The following PTPRN2 variants were observed in gnomAD, a reference collection of about 807,000 sequenced individuals.
PTPRN2 encodes receptor-type tyrosine-protein phosphatase N2.
A neutral mutation model predicts 118.8 loss-of-function variants in PTPRN2; 74 were observed. That is an observed-to-expected ratio of 0.62 (90% confidence interval 0.52 to 0.76). PTPRN2 has a LOEUF of 0.76. Among genes scored for constraint, PTPRN2 ranks in the 30% least tolerant of loss-of-function variants. PTPRN2 has a pLI of 0.00. For synonymous variants in PTPRN2, 641 were observed against 608.0 expected (o/e 1.05, Z -0.80); for missense variants, 1,481 against 1,394.4 (o/e 1.06, Z -0.99).
At position 158,465,975 on chromosome 7, in the gene PTPRN2, C is replaced by A. The variant is rs565626708; in HGVS notation, c.163+23760G>T. Among the ~76,000 whole-genome samples, 84 of 152,346 alleles carry A rather than the reference C, an allele frequency of 5.5e-4. 1 individual carries two copies. The South Asian group carries it at 0.016, about 30-fold the overall frequency. On this transcript the variant is annotated intron_variant, in intron 2 of 22. Coordinates refer to ENST00000389418, the MANE Select transcript of PTPRN2 (RefSeq NM_002847.5). ...AGATCCCTGCCTCACGCCTCACACA[C>A]CCCACTTCCTGTTGCATGATGCATC... is the stretch of plus-strand genomic sequence containing the variant.
chr7:157,626,012 C>T (rs1803550502), intron 14 of PTPRN2, among the ~76,000 whole-genome samples: 2 of 152,188 alleles, frequency 1.3e-5, no homozygotes, highest in Non-Finnish European at 1.5e-5. Context: ...ATACAATTTA[C>T]TGCTTTAAAG....
At chr7:157,753,158 A>AC (rs1413296464) in intron 12 of PTPRN2, among the ~76,000 whole-genome samples, 6 of 152,162 alleles carry the variant, frequency 3.9e-5, no homozygotes, top group Non-Finnish European at 7.4e-5. Context: ...CTCAAATCCT[A>AC]AACGCCTCCC....
At position 157,717,856 on chromosome 7, in the gene PTPRN2, C is replaced by T. The variant is rs573153794; in HGVS notation, c.1789-34919G>A. On this transcript the variant is annotated intron_variant, in intron 12 of 22. Coordinates refer to ENST00000389418, the MANE Select transcript of PTPRN2 (RefSeq NM_002847.5). ...GCCAAAGCAGCTGGGCTCTTTACTA[C>T]GGAAGGAGATTAATTGCTACCCCGC... Among the ~76,000 whole-genome samples, 15 of 152,378 alleles carry T rather than the reference C, an allele frequency of 9.8e-5. No individual in the cohort carries two copies. The South Asian group carries it at 1.9e-3, about 19-fold the overall frequency.
chr7:157,841,283 G>C (rs1808399960), intron 12 of PTPRN2, among the ~76,000 whole-genome samples: 1 of 152,322 alleles, frequency 6.6e-6, no homozygotes, highest in South Asian at 2.1e-4. Flanking sequence ...CCCTGTCACT[G>C]GCTGAACATC....
At position 157,845,742 on chromosome 7, in the gene PTPRN2, TCACAGAGACGGGGACGG is replaced by T. The variant is rs1211620899; in HGVS notation, c.1788+52914_1788+52930del. Among the ~76,000 whole-genome samples the T allele has an allele frequency of 6.6e-6, 1 of 151,968 alleles. No individual in the cohort carries two copies. The highest frequency in any genetic ancestry group is 1.9e-4 in the East Asian group (1 of 5,182). On this transcript the variant is annotated intron_variant, in intron 12 of 22. Coordinates refer to ENST00000389418, the MANE Select transcript of PTPRN2 (RefSeq NM_002847.5). This position sits in a 1 kb window ranked among gnomAD's most constrained non-coding sequence, Gnocchi z 4.5. ...CCAGAGAGGTCCCTGTGCTCATGAC[TCACAGAGACGGGGACGG>T]CAGCAAGGACACAGCAGGGCCATGG...
chr7:158,418,518 G>A lies in PTPRN2; in HGVS notation c.163+71217C>T, dbSNP rs1313749755. Among the ~76,000 whole-genome samples the A allele has an allele frequency of 4.7e-5, 7 of 148,558 alleles. 1 individual carries two copies. Among genetic ancestry groups the A allele is most frequent in the African/African-American group, 1.7e-4 (7 of 40,394 alleles). Reference sequence around the variant, plus strand: ...AGCTCTCCGTGTCCCACTGTGTTAAGTCACAGTGTACTACATCGAGATGCT... The same window carrying A: ...AGCTCTCCGTGTCCCACTGTGTTAAATCACAGTGTACTACATCGAGATGCT... On this transcript the variant is annotated intron_variant, in intron 2 of 22. Coordinates refer to ENST00000389418, the MANE Select transcript of PTPRN2 (RefSeq NM_002847.5).
chr7:157,876,230 G>A (rs1158050620), intron 12 of PTPRN2, among the ~76,000 whole-genome samples: 1 of 152,234 alleles, frequency 6.6e-6, no homozygotes, highest in Non-Finnish European at 1.5e-5. Context: ...TTGGTCTCCT[G>A]TTGTGACCCA....
At chr7:158,145,985 C>T (rs751896361) in intron 6 of PTPRN2, among the ~76,000 whole-genome samples, 1 of 152,188 alleles carries the variant, frequency 6.6e-6, no homozygotes. Flanking sequence ...GCCCAGCATA[C>T]TGTAAGTGCT....
At chr7:158,579,117 A>T (rs773226156) in intron 1 of PTPRN2, among the ~76,000 whole-genome samples, 14 of 152,202 alleles carry the variant, frequency 9.2e-5, no homozygotes, top group Non-Finnish European at 1.6e-4. Context: ...ATGATGTGAA[A>T]TAAACTCCAA....
intron 2 of PTPRN2, among the ~76,000 whole-genome samples, chr7:158,475,824 T>C (rs569925019): frequency 6.6e-6 from 1 of 152,290 alleles, no homozygotes; most frequent in East Asian, 1.9e-4. Flanking sequence ...ATAAGCATCA[T>C]TAAGGCAGTC....
chr7:158,059,573 C>A (rs368012502), intron 11 of PTPRN2, among the ~76,000 whole-genome samples: 25 of 103,116 alleles, frequency 2.4e-4, no homozygotes, highest in South Asian at 7.1e-4. Context: ...CTCCATCTGC[C>A]CACGGTGACA....
intron 22 of PTPRN2, among the ~76,000 whole-genome samples, chr7:157,543,260 T>C (rs1798099624): frequency 6.6e-6 from 1 of 152,212 alleles, no homozygotes; most frequent in Non-Finnish European, 1.5e-5. Context: ...AGTCAGGACA[T>C]TCTAAGCAAG....
intron 3 of PTPRN2, among the ~76,000 whole-genome samples, chr7:158,286,891 C>T (rs1799804469): frequency 6.6e-6 from 1 of 152,142 alleles, no homozygotes. Context: ...TATTCCTCTT[C>T]TTCAGTTTTT....
chr7:158,144,593 T>C, intron 6 of PTPRN2, among the ~76,000 whole-genome samples: 1 of 151,868 alleles, frequency 6.6e-6, no homozygotes, highest in Non-Finnish European at 1.5e-5. Flanking sequence ...GAGCTAAGAT[T>C]GTGCCACTGC....
intron 6 of PTPRN2, among the ~76,000 whole-genome samples, chr7:158,150,132 G>T (rs1820816992): frequency 6.6e-6 from 1 of 152,194 alleles, no homozygotes; most frequent in Admixed American, 6.5e-5. Context: ...CTGAAGCTTG[G>T]CCGGCAACAA....
At chr7:158,315,723 G>A (rs1046446380) in intron 3 of PTPRN2, among the ~76,000 whole-genome samples, 1 of 152,268 alleles carries the variant, frequency 6.6e-6, no homozygotes, top group Non-Finnish European at 1.5e-5. Flanking sequence ...AGAGAATATG[G>A]TTGGAAACAT....
intron 3 of PTPRN2, among the ~76,000 whole-genome samples, chr7:158,312,518 G>A (rs559358122): frequency 1.2e-4 from 15 of 128,656 alleles, no homozygotes; most frequent in African/African-American, 2.3e-4. Flanking sequence ...CCACACACAC[G>A]CACAGACACC....
intron 2 of PTPRN2, among the ~76,000 whole-genome samples, chr7:158,321,623 G>T (rs1443311444): frequency 6.6e-6 from 1 of 152,182 alleles, no homozygotes; most frequent in Admixed American, 6.5e-5. Flanking sequence ...TCCAGAACGG[G>T]CATTCCATGC....
At chr7:158,336,925 GTCAC>G (rs1197839578) in intron 2 of PTPRN2, among the ~76,000 whole-genome samples, 13 of 101,732 alleles carry the variant, frequency 1.3e-4, no homozygotes, top group African/African-American at 4.0e-4. Context: ...GCCCGCAGAC[GTCAC>G]TCACACCCAC....
Sources: gnomAD v4.1 joint callset for allele counts (sites outside exome capture counted in the v4.1 genomes callset) on GRCh38, gnomAD v4.1.1 for gene constraint, Gnocchi (gnomAD v3.1) non-coding constraint, MANE v1.5 for transcripts, NCBI Gene and HGNC (gene_info 2026-07-23, HGNC 2026-07-21) for gene names.